The following NF1 variants were observed in gnomAD, a reference collection of about 807,000 sequenced individuals.
NF1 encodes the protein neurofibromin 1, also known as neurofibromin.
In NF1, 122 loss-of-function variants were observed where a neutral mutation model predicts 325.7. That is an observed-to-expected ratio of 0.37 (90% CI 0.32 to 0.44). The LOEUF is 0.44. Among genes scored for constraint, NF1 ranks in the 20% least tolerant of loss-of-function variants. NF1 has a pLI of 1.00. For synonymous variants in NF1, 1,091 were observed against 1,186.0 expected (o/e 0.92, Z 1.65); for missense variants, 2,140 against 3,415.4 (o/e 0.63, Z 9.31).
At chr17:31,154,848 T>C (rs1022193002) in intron 1 of NF1, among the ~76,000 whole-genome samples, 1 of 149,890 alleles carries the variant, frequency 6.7e-6, no homozygotes, top group South Asian at 2.2e-4. Flanking sequence ...CATGCCATTC[T>C]CCTGCCTCAG....
intron 11 of NF1, among the ~76,000 whole-genome samples, chr17:31,202,388 T>C (rs1456614584): frequency 6.6e-6 from 1 of 152,194 alleles, no homozygotes; most frequent in Non-Finnish European, 1.5e-5. Flanking sequence ...AAAATAACCC[T>C]TCACCTCATT....
rs886957800 is a variant in NF1, at chr17:31,239,662, GTTTATA to G, written c.3974+3647_3974+3652del. On this transcript the variant is annotated intron_variant, in intron 29 of 57. Coordinates refer to ENST00000358273, the MANE Select transcript of NF1 (RefSeq NM_001042492.3). ...ATTTTTTTGTGGGTACATAGTAGGT[GTTTATA>G]TTTATGGGGTACATGAAATATTTTG... Among the ~76,000 whole-genome samples, 6 of 152,010 alleles carry G rather than the reference GTTTATA, an allele frequency of 3.9e-5. No homozygotes were observed. In the East Asian group the frequency reaches 7.7e-4, roughly 19 times the overall value.
intron 36 of NF1, 146 bp from the exon 37 acceptor site, chr17:31,325,674 A>G (rs931764273): frequency 2.8e-6 from 2 of 704,284 alleles, no homozygotes; most frequent in African/African-American, 3.6e-5. Context: ...AAAACAACTG[A>G]TTTAAAAAAT....
intron 36 of NF1, among the ~76,000 whole-genome samples, chr17:31,313,614 G>C (rs771656790): frequency 1.3e-5 from 2 of 151,766 alleles, no homozygotes; most frequent in Non-Finnish European, 2.9e-5. Context: ...GCTGAAGCAG[G>C]AGAATTGCTT....
Position 31,202,544 on chromosome 17 carries a change from C to A in NF1, c.1260+1059C>A, listed in dbSNP as rs146426520. On this transcript the variant is annotated intron_variant, in intron 11 of 57. Transcript: ENST00000358273. ...TTAGTGAGCATTTTGGGAGGACAGT[C>A]CTTTGTTGTGCAGGATGCCTTGGGC... 5.8e-3 allele frequency among the ~76,000 whole-genome samples: 887 copies of A among 152,212 alleles called. 8 individuals carry two copies. Among genetic ancestry groups the A allele is most frequent in the African/African-American group, 0.02 (822 of 41,528 alleles).
In NF1 at chr17:31,228,606, C is replaced by T. The variant is rs558801491; in HGVS notation, c.2410-419C>T. 7.2e-5 allele frequency among the ~76,000 whole-genome samples: 11 copies of T among 152,152 alleles called. No homozygotes were observed. In the East Asian group the frequency reaches 2.1e-3, roughly 29 times the overall value. ...CCCTTTAGCTATCTCTGCCTCTAAC[C>T]ACCCCCCACCCACTTTCTTGCCTCT... On this transcript the variant is annotated intron_variant, in intron 20 of 57. Coordinates refer to ENST00000358273, the MANE Select transcript of NF1 (RefSeq NM_001042492.3).
chr17:31,256,969 T>C (rs1193154562), intron 31 of NF1, among the ~76,000 whole-genome samples: 2 of 152,184 alleles, frequency 1.3e-5, no homozygotes, highest in Non-Finnish European at 2.9e-5. Context: ...CTGTTAGAGA[T>C]TATAGAAAGC....
At chr17:31,249,620 A>G (rs2067459692) in intron 30 of NF1, among the ~76,000 whole-genome samples, 1 of 152,234 alleles carries the variant, frequency 6.6e-6, no homozygotes, top group Non-Finnish European at 1.5e-5. Context: ...TATTTCTTAA[A>G]AGAGATACTG....
chr17:31,348,856 T>G (rs1430048010), intron 48 of NF1, among the ~76,000 whole-genome samples: 2 of 152,120 alleles, frequency 1.3e-5, no homozygotes, highest in African/African-American at 4.8e-5. Context: ...GACTATCATG[T>G]TTTTTAATTT....
chr17:31,128,086 C>T (rs1480675931), intron 1 of NF1, among the ~76,000 whole-genome samples: 1 of 150,762 alleles, frequency 6.6e-6, no homozygotes, highest in Non-Finnish European at 1.5e-5. Flanking sequence ...GGACCACAGG[C>T]GTGTGCCACC....
intron 8 of NF1, among the ~76,000 whole-genome samples, chr17:31,188,860 T>C (rs535232328): frequency 1.3e-5 from 2 of 152,310 alleles, no homozygotes; most frequent in South Asian, 4.1e-4. Flanking sequence ...GTCTTCAAGT[T>C]CTTCAGTTTT....
intron 54 of NF1, 98 bp downstream of exon 54, chr17:31,357,467 G>A (rs2070302562): frequency 1.1e-6 from 1 of 902,098 alleles, no homozygotes; most frequent in Non-Finnish European, 1.8e-6. Flanking sequence ...GGCAAAATGA[G>A]ATATTGTGAT....
At chr17:31,161,389 G>A (rs953742456) in intron 3 of NF1, among the ~76,000 whole-genome samples, 3 of 152,170 alleles carry the variant, frequency 2.0e-5, no homozygotes, top group African/African-American at 7.2e-5. Flanking sequence ...TGCTTGGATT[G>A]CAGTTACAGA....
At chr17:31,343,176 T>A (rs2151565446) in intron 48 of NF1, 41 bp downstream of exon 48, 1 of 1,514,060 alleles carries the variant, frequency 6.6e-7, no homozygotes, top group Non-Finnish European at 9.2e-7. Context: ...GAAGTACTAT[T>A]AAGAAACCAG....
rs1375461996 is a variant in NF1 at position 31,332,825 on chromosome 17, G to T, written c.5813-2013G>T. Among the ~76,000 whole-genome samples, 14 of 43,300 alleles carry T rather than the reference G, an allele frequency of 3.2e-4. 1 individual carries two copies. Among genetic ancestry groups the T allele is most frequent in the African/African-American group, 6.5e-4 (14 of 21,468 alleles). 28.4% of individuals were successfully genotyped at this position (43,300 alleles called of 152,430 possible). ...TTCCCACCTATGAGTGAGAATATGC[G>T]GTGTTTGGTTTTTTGTTCTTGCGAT... On this transcript the variant is annotated intron_variant, in intron 39 of 57. Coordinates refer to ENST00000358273, the MANE Select transcript of NF1 (RefSeq NM_001042492.3).
chr17:31,335,853 A>ATTTTTTTTT (rs71360768), intron 40 of NF1, among the ~76,000 whole-genome samples: 6 of 112,754 alleles, frequency 5.3e-5, no homozygotes, highest in Admixed American at 9.7e-5. Context: ...TAATTTTTGT[A>ATTTTTTTTT]TTTTTTTTTT....
chr17:31,279,438 G>A (rs994347127), intron 36 of NF1, among the ~76,000 whole-genome samples: 6 of 152,242 alleles, frequency 3.9e-5, no homozygotes, highest in African/African-American at 1.4e-4. Context: ...AAACATTTTA[G>A]TAGTATATAG....
intron 36 of NF1, among the ~76,000 whole-genome samples, chr17:31,288,253 C>T (rs1261470881): frequency 6.6e-6 from 1 of 151,930 alleles, no homozygotes; most frequent in Admixed American, 6.6e-5. Flanking sequence ...ATATGTTTAA[C>T]AAAGTTGGGG....
chr17:31,149,767 T>A (rs1046134664), intron 1 of NF1, among the ~76,000 whole-genome samples: 7 of 152,062 alleles, frequency 4.6e-5, no homozygotes, highest in Non-Finnish European at 7.4e-5. Context: ...AGAAGTCAAA[T>A]ATATCCAGCC....
Sources: gnomAD v4.1 joint callset for allele counts (sites outside exome capture counted in the v4.1 genomes callset) on GRCh38, gnomAD v4.1.1 for gene constraint, MANE v1.5 for transcripts, NCBI Gene and HGNC (gene_info 2026-07-23, HGNC 2026-07-21) for gene names.